The following STAG1 variants were observed in gnomAD, a reference collection of about 807,000 sequenced individuals.
The protein encoded by STAG1 is cohesin subunit SA-1.
Under a neutral mutation model 170.9 loss-of-function variants are expected in STAG1, and 26 were observed. That is an observed-to-expected ratio of 0.15 (90% CI 0.11 to 0.21). The LOEUF (loss-of-function observed/expected upper bound fraction) is 0.21. STAG1 is among the 10% of genes least tolerant of loss of function. The pLI, the probability that STAG1 is intolerant of heterozygous loss-of-function variation, is 1.00. For missense variants in STAG1, 964 were observed against 1,509.5 expected, an observed-to-expected ratio of 0.64 and a Z score of 5.99; for synonymous variants, 514 against 497.7, an observed-to-expected ratio of 1.03 and a Z score of -0.44.
chr3:136,465,362 G>A (rs1330745240), intron 12 of STAG1, among the ~76,000 whole-genome samples: 5 of 150,980 alleles, frequency 3.3e-5, no homozygotes, highest in Non-Finnish European at 7.4e-5. Flanking sequence ...TGAGATTACA[G>A]GTGCCCAACA....
intron 1 of STAG1, among the ~76,000 whole-genome samples, chr3:136,708,780 TCAA>T (rs1204321036): frequency 1.3e-5 from 2 of 152,082 alleles, no homozygotes; most frequent in East Asian, 3.9e-4. Flanking sequence ...ATCCCATTCG[TCAA>T]CAAGTTATTT....
rs2108251547 is a variant in STAG1 at position 136,338,053 on chromosome 3, C to CTGAG, written c.*197_*200dup. On this transcript the variant is annotated 3_prime_UTR_variant, in exon 34 of 34. Transcript: ENST00000383202. ...ACAAATGATTTTCAGGTCAGTCTTT[C>CTGAG]TGAGTTGACATTCACCAACATTCCC... The CTGAG allele has an allele frequency of 1.8e-6, 1 of 556,190 alleles. No individual in the cohort carries two copies. The highest frequency in any genetic ancestry group is 2.9e-5 in the East Asian group (1 of 34,040). 34.5% of individuals were successfully genotyped at this position (556,190 alleles called of 1,614,324 possible).
At chr3:136,722,882 C>T (rs1206752121) in intron 1 of STAG1, among the ~76,000 whole-genome samples, 2 of 152,180 alleles carry the variant, frequency 1.3e-5, no homozygotes, top group African/African-American at 4.8e-5. Flanking sequence ...TTGGTGGAGA[C>T]GGGGTTTCGC....
chr3:136,398,708 T>C (rs1347403838), intron 22 of STAG1, 41 bp downstream of exon 22: 1 of 1,213,760 alleles, frequency 8.2e-7, no homozygotes, highest in Non-Finnish European at 1.2e-6. Flanking sequence ...AAGGTTATTA[T>C]TTCAGTAATA....
chr3:136,483,976 T>C (rs1466053446), intron 9 of STAG1, among the ~76,000 whole-genome samples: 1 of 31,042 alleles, frequency 3.2e-5, no homozygotes, highest in African/African-American at 1.3e-4. Flanking sequence ...AGTTATACAT[T>C]CTTCTAAATT....
At chr3:136,719,633 AGGTGGGTAGGTG>A (rs1933093459) in intron 1 of STAG1, among the ~76,000 whole-genome samples, 1 of 35,072 alleles carries the variant, frequency 2.9e-5, no homozygotes, top group Non-Finnish European at 5.9e-5. Context: ...GTGGCTGGGT[AGGTGGGTAGGTG>A]GGTAGGTGGG....
chr3:136,733,058 A>G (rs1934131782), intron 1 of STAG1, among the ~76,000 whole-genome samples: 1 of 151,412 alleles, frequency 6.6e-6, no homozygotes, highest in African/African-American at 2.4e-5. Context: ...TGCACAACAC[A>G]ATATAGTCTA....
intron 9 of STAG1, among the ~76,000 whole-genome samples, chr3:136,498,286 C>CAT (rs1489090427): frequency 8.4e-6 from 1 of 119,476 alleles, no homozygotes; most frequent in African/African-American, 3.6e-5. Flanking sequence ...CACACACATA[C>CAT]ACACACACAC....
chr3:136,538,013 T>A (rs1935722685), intron 6 of STAG1, among the ~76,000 whole-genome samples: 1 of 152,138 alleles, frequency 6.6e-6, no homozygotes, highest in African/African-American at 2.4e-5. Context: ...TTTAAATTAT[T>A]ATTAAGACTA....
chr3:136,535,663 AAAAC>A (rs1320536212), intron 6 of STAG1, among the ~76,000 whole-genome samples: 12 of 152,196 alleles, frequency 7.9e-5, no homozygotes, highest in African/African-American at 2.2e-4. Flanking sequence ...ACTCTGTCTC[AAAAC>A]AAACAAACAA....
chr3:136,738,947 A>C (rs947007524), intron 1 of STAG1, among the ~76,000 whole-genome samples: 3 of 152,206 alleles, frequency 2.0e-5, no homozygotes, highest in African/African-American at 7.2e-5. Context: ...AAATAAAAAA[A>C]AGACTCTAAA....
chr3:136,639,955 C>T (rs948070640), intron 1 of STAG1, among the ~76,000 whole-genome samples: 2 of 152,048 alleles, frequency 1.3e-5, no homozygotes, highest in African/African-American at 4.8e-5. Context: ...AAAATTTCTC[C>T]CACAATTTAT....
chr3:136,519,957 T>G (rs1480193285), intron 7 of STAG1, among the ~76,000 whole-genome samples: 1 of 151,998 alleles, frequency 6.6e-6, no homozygotes, highest in African/African-American at 2.4e-5. Flanking sequence ...AAAAGAACAC[T>G]CTCAGAAAAA....
At chr3:136,505,978 A>C (rs1196786654) in intron 7 of STAG1, among the ~76,000 whole-genome samples, 1 of 152,244 alleles carries the variant, frequency 6.6e-6, no homozygotes, top group African/African-American at 2.4e-5. Context: ...AGGCAGAAGA[A>C]GATACTTAAA....
intron 1 of STAG1, among the ~76,000 whole-genome samples, chr3:136,737,892 A>T (rs1218909624): frequency 6.6e-6 from 1 of 151,504 alleles, no homozygotes; most frequent in Non-Finnish European, 1.5e-5. Context: ...ACATGGTGAA[A>T]CCCCGTCTCT....
rs201266637 is a variant in STAG1, at chr3:136,383,389, CACTG to C, written c.2278-5641_2278-5638del. On this transcript the variant is annotated intron_variant, in intron 22 of 33. Coordinates refer to ENST00000383202, the MANE Select transcript of STAG1 (RefSeq NM_005862.3). The stretch of plus-strand genomic sequence containing the variant: ...TACTATGAATTCTTTTAAAATATAT[CACTG>C]ACTGCTTTTTAATTTGAAAAAAGTT... Among the ~76,000 whole-genome samples, 976 of 152,270 alleles carry C rather than the reference CACTG, an allele frequency of 6.4e-3. 11 individuals are homozygous for C. Among genetic ancestry groups the C allele is most frequent in the African/African-American group, 0.022 (926 of 41,536 alleles).
intron 9 of STAG1, among the ~76,000 whole-genome samples, chr3:136,495,662 G>A (rs374084215): frequency 1.5e-5 from 2 of 130,438 alleles, no homozygotes; most frequent in African/African-American, 3.3e-5. Flanking sequence ...GTGAAACTCC[G>A]CCTCTATTAA....
At chr3:136,577,838 A>T (rs773038136) in intron 4 of STAG1, among the ~76,000 whole-genome samples, 1 of 152,230 alleles carries the variant, frequency 6.6e-6, no homozygotes, top group Non-Finnish European at 1.5e-5. Flanking sequence ...CGCCAAATTC[A>T]TTGGTATCAG....
chr3:136,511,992 C>A (rs937587607), intron 7 of STAG1, among the ~76,000 whole-genome samples: 1 of 148,278 alleles, frequency 6.7e-6, no homozygotes, highest in African/African-American at 2.5e-5. Flanking sequence ...GTGGTGGGCA[C>A]ACCTATAATC....
Sources: gnomAD v4.1 joint callset for allele counts (sites outside exome capture counted in the v4.1 genomes callset) on GRCh38, gnomAD v4.1.1 for gene constraint, MANE v1.5 for transcripts, NCBI Gene and HGNC (gene_info 2026-07-23, HGNC 2026-07-21) for gene names.